CDYL: variants seen among roughly 807,000 people sequenced by gnomAD.
CDYL encodes the protein chromodomain Y-like protein.
CDYL carries 8 observed loss-of-function variants against 47.3 expected under a neutral mutation model. The observed-to-expected ratio is 0.17, with a 90% CI of 0.10 to 0.31. The LOEUF (loss-of-function observed/expected upper bound fraction) is 0.31. Among genes scored for constraint, CDYL ranks in the 10% least tolerant of loss-of-function variants. CDYL has a pLI of 1.00. For synonymous variants in CDYL, 266 were observed against 265.0 expected, an observed-to-expected ratio of 1.00 and a Z score of -0.04; for missense variants, 471 against 701.4, an observed-to-expected ratio of 0.67 and a Z score of 3.71.
chr6:4,771,129 G>T (rs1462935171), intron 3 of CDYL, among the ~76,000 whole-genome samples: 1 of 151,538 alleles, frequency 6.6e-6, no homozygotes, highest in Non-Finnish European at 1.5e-5. Flanking sequence ...TTTTTTGGCG[G>T]GGGGGATGGA....
chr6:4,857,515 A>T (rs557641726), intron 1 of CDYL, among the ~76,000 whole-genome samples: 10 of 152,306 alleles, frequency 6.6e-5, no homozygotes, highest in Admixed American at 5.2e-4. Flanking sequence ...CTCACCCTTT[A>T]GCAAACTTAA....
chr6:4,820,817 T>C (rs1759813124), intron 1 of CDYL, among the ~76,000 whole-genome samples: 1 of 152,112 alleles, frequency 6.6e-6, no homozygotes, highest in Non-Finnish European at 1.5e-5. Context: ...AAAATAGAAA[T>C]ATAGTGGACA....
chr6:4,777,012 C>T lies in CDYL; in HGVS notation c.24+205C>T, dbSNP rs981870864. 2.2e-3 allele frequency among the ~76,000 whole-genome samples: 262 copies of T among 119,222 alleles called. 1 individual carries two copies. The highest frequency in any genetic ancestry group is 7.4e-3 in the African/African-American group (236 of 31,992). 78.2% of individuals were successfully genotyped at this position (119,222 alleles called of 152,430 possible). On this transcript the variant is annotated intron_variant, in intron 1 of 6. Transcript: ENST00000397588. ...CCCGGCCGGGGGGTCCTGAAGTTGCCGGGCGTGGGGTGGGGGGGGGGGTCC... is the reference window on the plus strand; with the variant it reads ...CCCGGCCGGGGGGTCCTGAAGTTGCTGGGCGTGGGGTGGGGGGGGGGGTCC...
At chr6:4,935,999 C>G (rs1247033226) in intron 3 of CDYL, among the ~76,000 whole-genome samples, 2 of 152,202 alleles carry the variant, frequency 1.3e-5, no homozygotes, top group Non-Finnish European at 2.9e-5. Context: ...AGTGTCCATC[C>G]CCATTCTCCC....
chr6:4,940,598 A>G (rs1282737562), intron 4 of CDYL, among the ~76,000 whole-genome samples: 2 of 152,242 alleles, frequency 1.3e-5, no homozygotes, highest in African/African-American at 4.8e-5. Context: ...GGGTAATTGC[A>G]ACAAAAATAT....
chr6:4,870,962 C>T (rs2127473096), intron 1 of CDYL, among the ~76,000 whole-genome samples: 1 of 152,296 alleles, frequency 6.6e-6, no homozygotes, highest in Non-Finnish European at 1.5e-5. Flanking sequence ...AGTCCTTTTC[C>T]ACTAAACCCA....
Position 4,952,350 on chromosome 6 carries a change from G to A in CDYL, c.1417G>A (p.Gly473Arg), listed in dbSNP as rs771808805. The change falls in exon 6 of 7, where the codon GGG becomes AGG. Residue 473 changes from glycine (G) to arginine (R), a missense_variant. Physicochemically the swap from Gly to Arg is moderately radical, Grantham distance 125 (BLOSUM62 -2). Coordinates refer to ENST00000397588, the MANE Select transcript of CDYL (RefSeq NM_004824.4). ...KGLVSQVFWP[G>R]TFTQEVMVRI... ...CCTGGTCTCCCAGGTGTTTTGGCCC[G>A]GGACGTTCACTCAGGAAGTGATGGT... is the stretch of plus-strand genomic sequence containing the variant. 18 of 1,614,036 alleles carry A rather than the reference G, an allele frequency of 1.1e-5. No individual in the cohort carries two copies. Among genetic ancestry groups the A allele is most frequent in the African/African-American group, 5.3e-5 (4 of 74,910 alleles).
chr6:4,842,056 T>C (rs1448153846), intron 1 of CDYL, among the ~76,000 whole-genome samples: 1 of 144,704 alleles, frequency 6.9e-6, no homozygotes, highest in East Asian at 1.9e-4. Flanking sequence ...ATTATATTAA[T>C]ATTCATATTT....
intron 3 of CDYL, among the ~76,000 whole-genome samples, chr6:4,749,439 AGATG>A (rs953590073): frequency 8.9e-4 from 133 of 150,240 alleles, no homozygotes; most frequent in African/African-American, 3.0e-3. Context: ...AATGGATATG[AGATG>A]GATGGATGGA....
chr6:4,921,851 C>A (rs573930994), intron 2 of CDYL, among the ~76,000 whole-genome samples: 3 of 152,246 alleles, frequency 2.0e-5, no homozygotes, highest in African/African-American at 7.2e-5. Context: ...CAACTGCATG[C>A]AAAGCACTTG....
chr6:4,853,401 A>G (rs930554707), intron 1 of CDYL, among the ~76,000 whole-genome samples: 1 of 152,232 alleles, frequency 6.6e-6, no homozygotes, highest in Non-Finnish European at 1.5e-5. Flanking sequence ...CAGAGCCTGC[A>G]TCTGAATCCA....
intron 1 of CDYL, among the ~76,000 whole-genome samples, chr6:4,847,205 A>G (rs1365050662): frequency 1.3e-5 from 2 of 152,156 alleles, no homozygotes; most frequent in Non-Finnish European, 2.9e-5. Flanking sequence ...AGAGATTGGT[A>G]TTCAGTAAGT....
chr6:4,859,196 A>G (rs955882071), intron 1 of CDYL, among the ~76,000 whole-genome samples: 1 of 152,208 alleles, frequency 6.6e-6, no homozygotes, highest in Non-Finnish European at 1.5e-5. Flanking sequence ...AGTGAGTCAC[A>G]CAGCAGAGAC....
chr6:4,794,419 C>T (rs897576235), intron 1 of CDYL, among the ~76,000 whole-genome samples: 4 of 152,004 alleles, frequency 2.6e-5, no homozygotes, highest in Non-Finnish European at 5.9e-5. Context: ...GGCATGGGCT[C>T]ATGAGAGAAT....
At chr6:4,757,803 G>A (rs1366386733) in intron 3 of CDYL, among the ~76,000 whole-genome samples, 1 of 152,150 alleles carries the variant, frequency 6.6e-6, no homozygotes, top group Non-Finnish European at 1.5e-5. Context: ...GTGGGAGGCC[G>A]AGGCAGGAGG....
At chr6:4,830,669 T>G (rs1002175375) in intron 1 of CDYL, among the ~76,000 whole-genome samples, 2 of 151,970 alleles carry the variant, frequency 1.3e-5, no homozygotes, top group African/African-American at 4.8e-5. Context: ...TAGTGACATA[T>G]GTATACATGT....
At chr6:4,724,204 C>A (rs548477804) in intron 2 of CDYL, among the ~76,000 whole-genome samples, 1 of 149,508 alleles carries the variant, frequency 6.7e-6, no homozygotes, top group Non-Finnish European at 1.5e-5. Context: ...TCACACCCAG[C>A]TAATTTTTGT....
rs140138635 is a variant in CDYL at position 4,937,636 on chromosome 6, C to A, written c.1020C>A (p.Ala340=). ...ACAGCAAGCTGGTACTGCTCAGCGCCGTTGGCAGCGTCTTCTGTTGTGGAC... is the reference window on the plus strand; with the variant it reads ...ACAGCAAGCTGGTACTGCTCAGCGCAGTTGGCAGCGTCTTCTGTTGTGGAC... ...ADDSKLVLLS[A]VGSVFCCGLD... is the part of the protein sequence containing the mutation. The change falls in exon 4 of 7, where the codon GCC becomes GCA. Residue 340 remains alanine, a synonymous_variant. Transcript: ENST00000397588. The A allele has an allele frequency of 6.2e-7, 1 of 1,613,774 alleles. No individual in the cohort carries two copies. Among genetic ancestry groups the A allele is most frequent in the Non-Finnish European group, 8.5e-7 (1 of 1,179,784 alleles).
At chr6:4,820,821 G>A (rs1759813187) in intron 1 of CDYL, among the ~76,000 whole-genome samples, 1 of 152,204 alleles carries the variant, frequency 6.6e-6, no homozygotes, top group African/African-American at 2.4e-5. Flanking sequence ...TAGAAATATA[G>A]TGGACACTAA....
Sources: gnomAD v4.1 joint callset for allele counts (sites outside exome capture counted in the v4.1 genomes callset) on GRCh38, gnomAD v4.1.1 for gene constraint, MANE v1.5 for transcripts, NCBI Gene and HGNC (gene_info 2026-07-23, HGNC 2026-07-21) for gene names.